Variants in RLBP1 observed in about 807,000 individuals in gnomAD.
RLBP1 encodes the protein retinaldehyde-binding protein 1.
RLBP1 carries 26 observed loss-of-function variants against 36.2 expected under a neutral mutation model. The observed-to-expected ratio is 0.72, with a 90% CI of 0.53 to 1.00. The LOEUF is 1.00. Ranked by LOEUF, RLBP1 falls within the 50% of genes least tolerant of loss-of-function variation. The probability of loss-of-function intolerance (pLI) is 0.00; values close to 1 mark genes in which losing one functional copy is unlikely to be tolerated. For missense variants in RLBP1, 410 were observed against 402.4 expected (o/e 1.02, Z -0.16); for synonymous variants, 155 against 156.2 (o/e 0.99, Z 0.06).
rs1302284834 is a variant in RLBP1 at position 89,210,540 on chromosome 15, G to A, written c.796-97C>T. ...GGGCAGGAGGACAAAGCCCCATCAT[G>A]TGCAGTCTTTGCCTGGCGACACCTC... On this transcript the variant is annotated intron_variant, in intron 8 of 8. Coordinates refer to ENST00000268125, the MANE Select transcript of RLBP1 (RefSeq NM_000326.5). The surrounding 1 kb of genome is among the most constrained non-coding windows in gnomAD (Gnocchi z 4.7). 5.1e-5 allele frequency: 74 copies of A among 1,443,310 alleles called. No homozygotes were observed. The East Asian group carries it at 8.9e-4, about 17-fold the overall frequency. The allele number at this position is 1,443,310 out of a possible 1,614,324, so 89.4% of individuals were successfully genotyped here. A position where few individuals can be genotyped will look rare whatever the true frequency, so the allele number is the denominator to read the frequency against.
Position 89,214,243 on chromosome 15 carries a change from T to C in RLBP1, c.525+817A>G, listed in dbSNP as rs1266828170. On this transcript the variant is annotated intron_variant, in intron 6 of 8. Transcript: ENST00000268125. The surrounding 1 kb of genome is among the most constrained non-coding windows in gnomAD (Gnocchi z 4.6). ...TGGGAGGCCGAGGTGGGCGGATCAC[T>C]TGAGCTCAGGAGTTTGAGACCAGCC... Among the ~76,000 whole-genome samples the C allele has an allele frequency of 6.6e-6, 1 of 152,090 alleles. No homozygotes were observed. The highest frequency in any genetic ancestry group is 2.4e-5 in the African/African-American group (1 of 41,398).
intron 2 of RLBP1, chr15:89,219,426 T>C (rs1028715723): frequency 1.0e-5 from 2 of 199,318 alleles, no homozygotes; most frequent in Middle Eastern, 2.1e-3. Context: ...GATAAGGCAA[T>C]CTCTCCTCCC....
At chr15:89,220,529 G>A (rs1360422745) in intron 1 of RLBP1, among the ~76,000 whole-genome samples, 1 of 152,138 alleles carries the variant, frequency 6.6e-6, no homozygotes, top group Non-Finnish European at 1.5e-5. Flanking sequence ...CCCATTTCCT[G>A]CTCTTTCCAC....
chr15:89,210,537 C>G lies in RLBP1; in HGVS notation c.796-94G>C, dbSNP rs1300981660. 1.4e-6 allele frequency: 2 copies of G among 1,443,326 alleles called. No individual in the cohort carries two copies. Among genetic ancestry groups the G allele is most frequent in the Non-Finnish European group, 9.7e-7 (1 of 1,030,790 alleles). 89.4% of individuals were successfully genotyped at this position (1,443,326 alleles called of 1,614,324 possible). On this transcript the variant is annotated intron_variant, in intron 8 of 8. Coordinates refer to ENST00000268125, the MANE Select transcript of RLBP1 (RefSeq NM_000326.5). The surrounding 1 kb of genome is among the most constrained non-coding windows in gnomAD (Gnocchi z 4.7). ...AAGGGGCAGGAGGACAAAGCCCCAT[C>G]ATGTGCAGTCTTTGCCTGGCGACAC... is the stretch of plus-strand genomic sequence containing the variant.
Position 89,211,339 on chromosome 15 carries a change from G to A in RLBP1, c.684+404C>T, listed in dbSNP as rs74470202. Among the ~76,000 whole-genome samples, 488 of 152,142 alleles carry A rather than the reference G, an allele frequency of 3.2e-3. 3 individuals carry two copies. The highest frequency in any genetic ancestry group is 0.011 in the African/African-American group (468 of 41,496). ...GAGGGTTAGTGATAATCCCTTTCTC[G>A]GGGTGAATCCACATTCAAAGAGAGG... On this transcript the variant is annotated intron_variant, in intron 7 of 8. Transcript: ENST00000268125. The surrounding 1 kb of genome is among the most constrained non-coding windows in gnomAD (Gnocchi z 5.8).
Position 89,218,542 on chromosome 15 carries a change from C to T in RLBP1, c.141+23G>A, listed in dbSNP as rs1172805626. 2 of 1,614,222 alleles carry T rather than the reference C, an allele frequency of 1.2e-6. No homozygotes were observed. The highest frequency in any genetic ancestry group is 1.7e-6 in the Non-Finnish European group (2 of 1,180,046). Reference sequence around the variant, plus strand: ...CATGTTGCCTCCCTAGGCTGCTCCTCTCCGCACTGTCAGCCACCTCACCTT... The same window carrying T: ...CATGTTGCCTCCCTAGGCTGCTCCTTTCCGCACTGTCAGCCACCTCACCTT... On this transcript the variant is annotated intron_variant, in intron 4 of 8. Transcript: ENST00000268125. This position sits in a 1 kb window ranked among gnomAD's most constrained non-coding sequence, Gnocchi z 4.6.
chr15:89,210,048 G>T lies in RLBP1; in HGVS notation c.*237C>A, dbSNP rs915089371. The T allele has an allele frequency of 2.1e-5, 12 of 569,266 alleles. No individual in the cohort carries two copies. The highest frequency in any genetic ancestry group is 6.1e-5 in the South Asian group (3 of 48,792). The allele number at this position is 569,266 out of a possible 1,614,324, so 35.3% of individuals were successfully genotyped here. ...CTTACACAAAAATCACTGTCTTAAA[G>T]CTTCAAGGGCAGGTGGAAATATAAC... is the stretch of plus-strand genomic sequence containing the variant. On this transcript the variant is annotated 3_prime_UTR_variant, in exon 9 of 9. Coordinates refer to ENST00000268125, the MANE Select transcript of RLBP1 (RefSeq NM_000326.5). The surrounding 1 kb of genome is among the most constrained non-coding windows in gnomAD (Gnocchi z 4.7).
At chr15:89,212,832 G>T (rs574522085) in intron 6 of RLBP1, among the ~76,000 whole-genome samples, 1 of 151,676 alleles carries the variant, frequency 6.6e-6, no homozygotes, top group Non-Finnish European at 1.5e-5. Context: ...AGGTTCAAGC[G>T]ATTCCCCTGC....
intron 1 of RLBP1, among the ~76,000 whole-genome samples, chr15:89,221,153 G>A (rs143187784): frequency 1.3e-5 from 2 of 152,078 alleles, no homozygotes; most frequent in African/African-American, 4.8e-5. Flanking sequence ...AACTACAGGT[G>A]CCCACCAGCA....
chr15:89,214,907 T>C lies in RLBP1; in HGVS notation c.525+153A>G, dbSNP rs928277638. On this transcript the variant is annotated intron_variant, in intron 6 of 8. Coordinates refer to ENST00000268125, the MANE Select transcript of RLBP1 (RefSeq NM_000326.5). The surrounding 1 kb of genome is among the most constrained non-coding windows in gnomAD (Gnocchi z 4.6). ...TGGCACATCCTAGGAATTCTCTCCC[T>C]GCCTGGAAAGGGCTAGGTGGCAGGT... is the stretch of plus-strand genomic sequence containing the variant. Among the ~76,000 whole-genome samples the C allele has an allele frequency of 3.3e-5, 5 of 152,204 alleles. No individual in the cohort carries two copies. Among genetic ancestry groups the C allele is most frequent in the Non-Finnish European group, 4.4e-5 (3 of 68,018 alleles).
chr15:89,211,938 C>T lies in RLBP1; in HGVS notation c.526-37G>A, dbSNP rs1196983210. 5.0e-6 allele frequency: 8 copies of T among 1,611,534 alleles called. No individual in the cohort carries two copies. Among genetic ancestry groups the T allele is most frequent in the East Asian group, 2.2e-5 (1 of 44,880 alleles). ...AGAGAACAGGCTGTAAGATCTAACC[C>T]GCAACAATAATTAAGGCTTGAGGTC... On this transcript the variant is annotated intron_variant, in intron 6 of 8. Coordinates refer to ENST00000268125, the MANE Select transcript of RLBP1 (RefSeq NM_000326.5). The surrounding 1 kb of genome is among the most constrained non-coding windows in gnomAD (Gnocchi z 5.8).
intron 6 of RLBP1, among the ~76,000 whole-genome samples, chr15:89,212,717 G>C (rs921897156): frequency 6.8e-6 from 1 of 147,994 alleles, no homozygotes; most frequent in Non-Finnish European, 1.5e-5. Context: ...AATTGCAAAT[G>C]ATTTTAAATT....
rs1376822187 is a variant in RLBP1 at position 89,210,421 on chromosome 15, A to C, written c.818T>G (p.Leu273Arg). 1 of 1,614,228 alleles carries C rather than the reference A, an allele frequency of 6.2e-7. No individual in the cohort carries two copies. Among genetic ancestry groups the C allele is most frequent in the African/African-American group, 1.3e-5 (1 of 75,046 alleles). Residue 273 changes from leucine to arginine, a missense_variant, in exon 9 of 9, where the codon CTT becomes CGT. Leu to Arg is a moderately radical substitution (Grantham distance 102). Coordinates refer to ENST00000268125, the MANE Select transcript of RLBP1 (RefSeq NM_000326.5). This position sits in a 1 kb window ranked among gnomAD's most constrained non-coding sequence, Gnocchi z 4.7. The stretch of plus-strand genomic sequence containing the variant: ...ATCGATCTCCTGGTAGAAACCAGAA[A>C]GGTCATCCCCGTGGACAAAGACCTG... ...LERVFVHGDD[L>R]SGFYQEIDEN...
In RLBP1 at chr15:89,210,823, GA is replaced by G. The variant is rs769502221; in HGVS notation, c.685-15del. On this transcript the variant is annotated splice_polypyrimidine_tract_variant and intron_variant, in intron 7 of 8. Coordinates refer to ENST00000268125, the MANE Select transcript of RLBP1 (RefSeq NM_000326.5). The surrounding 1 kb of genome is among the most constrained non-coding windows in gnomAD (Gnocchi z 4.7). ...TGGGAAGGAATCCTGCGGTGACAGA[GA>G]GATACCCCGTTCCCCATGGCCCCAG... 1.3e-6 allele frequency: 2 copies of G among 1,540,444 alleles called. No individual in the cohort carries two copies. The highest frequency in any genetic ancestry group is 8.8e-7 in the Non-Finnish European group (1 of 1,130,940).
rs754008768 is a variant in RLBP1 at position 89,215,251 on chromosome 15, G to C, written c.347-13C>G. The C allele has an allele frequency of 8.7e-6, 14 of 1,613,866 alleles. No homozygotes were observed. Among genetic ancestry groups the C allele is most frequent in the Middle Eastern group, 3.3e-4 (2 of 6,084 alleles). ...AAATTCACATAGCCTGGAGGAAGGA[G>C]AGCAGAGGAACCCCCTCAGGGAGCC... On this transcript the variant is annotated splice_polypyrimidine_tract_variant and intron_variant, in intron 5 of 8. Coordinates refer to ENST00000268125, the MANE Select transcript of RLBP1 (RefSeq NM_000326.5).
chr15:89,216,471 C>CCCT (rs2051581406), intron 5 of RLBP1, among the ~76,000 whole-genome samples: 1 of 152,188 alleles, frequency 6.6e-6, no homozygotes, highest in Non-Finnish European at 1.5e-5. Context: ...TACAGGCATG[C>CCCT]GCCACCACGC....
At chr15:89,220,945 G>T (rs2051621276) in intron 1 of RLBP1, among the ~76,000 whole-genome samples, 1 of 151,776 alleles carries the variant, frequency 6.6e-6, no homozygotes, top group African/African-American at 2.4e-5. Context: ...CCATGCTGAT[G>T]CTGTTCCCTG....
In RLBP1 at chr15:89,215,169, G is replaced by A. The variant is rs150621479; in HGVS notation, c.416C>T (p.Thr139Ile). The A allele has an allele frequency of 2.5e-6, 4 of 1,614,072 alleles. No homozygotes were observed. The highest frequency in any genetic ancestry group is 2.7e-5 in the African/African-American group (2 of 74,938). ...DSLSPEAVRCTIEAGYPGVLS... is the reference protein window; with the variant it reads ...DSLSPEAVRCIIEAGYPGVLS... ...GACACCAGGGTAGCCAGCTTCAATGGTGCAGCGGACAGCCTCTGGGGACAG... is the reference window on the plus strand; with the variant it reads ...GACACCAGGGTAGCCAGCTTCAATGATGCAGCGGACAGCCTCTGGGGACAG... Residue 139 changes from threonine (T) to isoleucine (I), a missense_variant, in exon 6 of 9, where the codon ACC (threonine) becomes ATC (isoleucine). Transcript: ENST00000268125.
rs200085708 is a variant in RLBP1, at chr15:89,218,549, C to G, written c.141+16G>C. On this transcript the variant is annotated intron_variant, in intron 4 of 8. Transcript: ENST00000268125. This position sits in a 1 kb window ranked among gnomAD's most constrained non-coding sequence, Gnocchi z 4.6. The stretch of plus-strand genomic sequence containing the variant: ...CCTCCCTAGGCTGCTCCTCTCCGCA[C>G]TGTCAGCCACCTCACCTTCTGCAAG... The G allele has an allele frequency of 2.5e-6, 4 of 1,614,248 alleles. No individual in the cohort carries two copies. Among genetic ancestry groups the G allele is most frequent in the South Asian group, 1.1e-5 (1 of 91,090 alleles).
Sources: gnomAD v4.1 joint callset for allele counts (sites outside exome capture counted in the v4.1 genomes callset) on GRCh38, gnomAD v4.1.1 for gene constraint, Gnocchi (gnomAD v3.1) non-coding constraint, MANE v1.5 for transcripts, NCBI Gene and HGNC (gene_info 2026-07-23, HGNC 2026-07-21) for gene names.